The following CA12 variants were observed in gnomAD, a reference collection of about 807,000 sequenced individuals.
CA12 encodes carbonic anhydrase 12.
CA12 carries 36 observed loss-of-function variants against 46.8 expected under a neutral mutation model. The ratio of observed to expected loss-of-function variants is 0.77; its 90% confidence interval spans 0.59 to 1.02. The LOEUF (loss-of-function observed/expected upper bound fraction) is 1.02. Ranked by LOEUF, CA12 falls within the 50% of genes least tolerant of loss-of-function variation. The pLI is 0.00. For missense variants in CA12, 436 were observed against 451.4 expected (o/e 0.97, Z 0.31); for synonymous variants, 202 against 187.0 (o/e 1.08, Z -0.65).
chr15:63,381,808 C>T lies in CA12; in HGVS notation c.-88G>A. 1 of 880,178 alleles carries T rather than the reference C, an allele frequency of 1.1e-6. No individual in the cohort carries two copies. The highest frequency in any genetic ancestry group is 1.6e-6 in the Non-Finnish European group (1 of 622,184). 54.5% of individuals were successfully genotyped at this position (880,178 alleles called of 1,614,324 possible). A position where few individuals can be genotyped will look rare whatever the true frequency, so the allele number is the denominator to read the frequency against. ...TCCAGCTGCACACCGGGACCGCGTG[C>T]GCGCAGCCTGGGTGCCGTGGCGAGT... On this transcript the variant is annotated 5_prime_UTR_variant, in exon 1 of 11. Transcript: ENST00000178638.
chr15:63,337,689 T>A (rs1192953913), intron 8 of CA12, among the ~76,000 whole-genome samples: 3 of 152,128 alleles, frequency 2.0e-5, no homozygotes, highest in Admixed American at 6.6e-5. Flanking sequence ...AATCCTGACC[T>A]CATGATCCAC....
chr15:63,327,147 A>T lies in CA12; in HGVS notation c.992+2T>A. 3 of 1,613,432 alleles carry T rather than the reference A, an allele frequency of 1.9e-6. No individual in the cohort carries two copies. Among genetic ancestry groups the T allele is most frequent in the Non-Finnish European group, 2.5e-6 (3 of 1,179,528 alleles). On this transcript the variant is annotated splice_donor_variant, in intron 10 of 10. Transcript: ENST00000178638. LOFTEE classifies it high-confidence loss of function. This position sits in a 1 kb window ranked among gnomAD's most constrained non-coding sequence, Gnocchi z 4.5. ...TCCCATTTTGGACCCAAACCAGCTCACCTCTTCCTTCTGAAAAGCCAAATG... is the reference window on the plus strand; with the variant it reads ...TCCCATTTTGGACCCAAACCAGCTCTCCTCTTCCTTCTGAAAAGCCAAATG...
rs1283689364 is a variant in CA12 at position 63,372,991 on chromosome 15, A to G, written c.106+2667T>C. 6.6e-6 allele frequency among the ~76,000 whole-genome samples: 1 copy of G among 152,210 alleles called. No homozygotes were observed. The highest frequency in any genetic ancestry group is 1.9e-4 in the East Asian group (1 of 5,196). ...GGCCAGAGCTAGTGGTCAGGGAGAA[A>G]TGCTTCTGGACAGGTCAGTGTGGCT... On this transcript the variant is annotated intron_variant, in intron 2 of 10. Transcript: ENST00000178638. This position sits in a 1 kb window ranked among gnomAD's most constrained non-coding sequence, Gnocchi z 4.5.
Position 63,327,972 on chromosome 15 carries a change from TAGCAAGGAGAGGGCCAGGAGCCAG to T in CA12, c.907+102_907+125del. Reference sequence around the variant, plus strand: ...CAGAGCGACTTGAGGGTAAGACCCATAGCAAGGAGAGGGCCAGGAGCCAGAGCAATAGTACAGAGAAGCAGAGAG... The same window carrying T: ...CAGAGCGACTTGAGGGTAAGACCCATAGCAATAGTACAGAGAAGCAGAGAG... On this transcript the variant is annotated intron_variant, in intron 9 of 10. Coordinates refer to ENST00000178638, the MANE Select transcript of CA12 (RefSeq NM_001218.5). The surrounding 1 kb of genome is among the most constrained non-coding windows in gnomAD (Gnocchi z 4.5). 1.2e-6 allele frequency: 1 copy of T among 860,336 alleles called. No homozygotes were observed. 53.3% of individuals were successfully genotyped at this position (860,336 alleles called of 1,614,324 possible).
intron 8 of CA12, among the ~76,000 whole-genome samples, chr15:63,332,416 A>G (rs1462299388): frequency 1.3e-5 from 2 of 152,232 alleles, no homozygotes; most frequent in Non-Finnish European, 2.9e-5. Context: ...CTTTGCCTGT[A>G]GATTACAGGA....
At chr15:63,354,367 C>A (rs1177669181) in intron 2 of CA12, among the ~76,000 whole-genome samples, 1 of 152,180 alleles carries the variant, frequency 6.6e-6, no homozygotes, top group Non-Finnish European at 1.5e-5. Flanking sequence ...AAAATAAACA[C>A]ATTTTCTAAA....
At chr15:63,367,943 C>A (rs2039456293) in intron 2 of CA12, among the ~76,000 whole-genome samples, 1 of 152,208 alleles carries the variant, frequency 6.6e-6, no homozygotes, top group African/African-American at 2.4e-5. Flanking sequence ...GAATTAACTG[C>A]AAGTTGGAAA....
chr15:63,350,927 CAT>C (rs1397113755), intron 2 of CA12, among the ~76,000 whole-genome samples: 4 of 152,196 alleles, frequency 2.6e-5, no homozygotes, highest in African/African-American at 4.8e-5. Flanking sequence ...GTATATATTT[CAT>C]ATGTTTCTCT....
chr15:63,338,908 A>C lies in CA12; in HGVS notation c.785T>G (p.Met262Arg), dbSNP rs2039039594. 2 of 1,614,120 alleles carry C rather than the reference A, an allele frequency of 1.2e-6. No individual in the cohort carries two copies. The highest frequency in any genetic ancestry group is 4.5e-5 in the East Asian group (2 of 44,884). ...ALETALYCTH[M>R]DDPSPREMIN... ...CATTTCTCTGGGGGAAGGGTCGTCC[A>C]TGTGTGTGCAGTACAGGGCTGTCTC... Residue 262 changes from methionine to arginine, a missense_variant, in exon 8 of 11, where the codon ATG becomes AGG. Transcript: ENST00000178638.
intron 2 of CA12, among the ~76,000 whole-genome samples, chr15:63,352,240 C>T (rs1595784472): frequency 6.6e-6 from 1 of 152,072 alleles, no homozygotes; most frequent in Non-Finnish European, 1.5e-5. Flanking sequence ...TATTTTTAGT[C>T]GACATGGGGT....
chr15:63,364,123 G>A (rs1235743156), intron 2 of CA12, among the ~76,000 whole-genome samples: 1 of 151,778 alleles, frequency 6.6e-6, no homozygotes, highest in Non-Finnish European at 1.5e-5. Flanking sequence ...GGAGGCGGAG[G>A]TTGCAGTGAG....
intron 2 of CA12, among the ~76,000 whole-genome samples, chr15:63,371,379 C>T (rs2039504067): frequency 6.6e-6 from 1 of 152,204 alleles, no homozygotes; most frequent in South Asian, 2.1e-4. Flanking sequence ...GCCCGGCTCA[C>T]ACCGAGTCCT....
chr15:63,359,460 TCTCTCACACC>T (rs1353512183), intron 2 of CA12, among the ~76,000 whole-genome samples: 5 of 152,080 alleles, frequency 3.3e-5, no homozygotes, highest in African/African-American at 1.2e-4. Context: ...ACACTTGCTT[TCTCTCACACC>T]CTCTACTGTG....
chr15:63,349,244 A>C lies in CA12; in HGVS notation c.107-2535T>G, dbSNP rs2152619353. On this transcript the variant is annotated intron_variant, in intron 2 of 10. Coordinates refer to ENST00000178638, the MANE Select transcript of CA12 (RefSeq NM_001218.5). Reference sequence around the variant, plus strand: ...TCTTAAGCTCTGATATTTATTAAGAATACTAGGACTAAGCACCTTCTCCAT... The same window carrying C: ...TCTTAAGCTCTGATATTTATTAAGACTACTAGGACTAAGCACCTTCTCCAT... 1.3e-5 allele frequency among the ~76,000 whole-genome samples: 2 copies of C among 152,330 alleles called. 1 individual carries two copies. Among genetic ancestry groups the C allele is most frequent in the South Asian group, 4.1e-4 (2 of 4,832 alleles).
intron 1 of CA12, among the ~76,000 whole-genome samples, chr15:63,376,516 T>TTC (rs1021183028): frequency 4.1e-5 from 6 of 147,156 alleles, no homozygotes; most frequent in African/African-American, 7.5e-5. Flanking sequence ...ACTTTACATT[T>TTC]TCTCTCTCTC....
chr15:63,376,557 C>CCTTTCTTTCTTTCTTTCCTT (rs1555432628), intron 1 of CA12, among the ~76,000 whole-genome samples: 1 of 104,526 alleles, frequency 9.6e-6, no homozygotes, highest in Non-Finnish European at 2.0e-5. Flanking sequence ...CTCTTTCTTT[C>CCTTTCTTTCTTTCTTTCCTT]CTTTCTTTCT....
At position 63,330,978 on chromosome 15, in the gene CA12, C is replaced by CT. The variant is rs2038930967; in HGVS notation, c.875-2849dup. Among the ~76,000 whole-genome samples the CT allele has an allele frequency of 1.3e-5, 2 of 152,230 alleles. No homozygotes were observed. Among genetic ancestry groups the CT allele is most frequent in the Non-Finnish European group, 2.9e-5 (2 of 68,040 alleles). On this transcript the variant is annotated intron_variant, in intron 8 of 10. Coordinates refer to ENST00000178638, the MANE Select transcript of CA12 (RefSeq NM_001218.5). The surrounding 1 kb of genome is among the most constrained non-coding windows in gnomAD (Gnocchi z 4.0). The stretch of plus-strand genomic sequence containing the variant: ...CTTTGATACAGCAAAAACGAAGCAG[C>CT]TTGACTGAGCCAACATCATAAGCTG...
At position 63,323,271 on chromosome 15, in the gene CA12, G is replaced by A. The variant is rs1446547032; in HGVS notation, c.*3014C>T. 6.6e-6 allele frequency: 1 copy of A among 152,178 alleles called. No homozygotes were observed. Among genetic ancestry groups the A allele is most frequent in the Non-Finnish European group, 1.5e-5 (1 of 68,052 alleles). 9.4% of individuals were successfully genotyped at this position (152,178 alleles called of 1,614,324 possible). A position where few individuals can be genotyped will look rare whatever the true frequency, so the allele number is the denominator to read the frequency against. On this transcript the variant is annotated 3_prime_UTR_variant, in exon 11 of 11. Transcript: ENST00000178638. This position sits in a 1 kb window ranked among gnomAD's most constrained non-coding sequence, Gnocchi z 5.1. Reference sequence around the variant, plus strand: ...TGCAGCTCCGATCCCACCTCCTCCAGGGTCTTTATTTAATTCCTCTAGGCT... The same window carrying A: ...TGCAGCTCCGATCCCACCTCCTCCAAGGTCTTTATTTAATTCCTCTAGGCT...
At chr15:63,360,958 C>T (rs962706999) in intron 2 of CA12, among the ~76,000 whole-genome samples, 81 of 152,140 alleles carry the variant, frequency 5.3e-4, no homozygotes, top group Non-Finnish European at 1.5e-4. Context: ...GGAGAATAAG[C>T]GAATCGGTGA....
Sources: gnomAD v4.1 joint callset for allele counts (sites outside exome capture counted in the v4.1 genomes callset) on GRCh38, gnomAD v4.1.1 for gene constraint, Gnocchi (gnomAD v3.1) non-coding constraint, MANE v1.5 for transcripts, NCBI Gene and HGNC (gene_info 2026-07-23, HGNC 2026-07-21) for gene names.